Variants in ZNF534 observed in about 807,000 individuals in gnomAD.
The protein encoded by ZNF534 is zinc finger protein 534, also known as KRAB domain only 3.
ZNF534 carries 19 observed loss-of-function variants against 13.6 expected under a neutral mutation model. The observed-to-expected ratio is 1.40, with a 90% CI of 0.97 to 2.05. The LOEUF (loss-of-function observed/expected upper bound fraction) is 2.05. ZNF534 is among the 30% of genes most tolerant of loss of function. The pLI is 0.00. For missense variants in ZNF534, 782 were observed against 796.3 expected (o/e 0.98, Z 0.22); for synonymous variants, 244 against 273.8 (o/e 0.89, Z 1.07).
rs888147297 is a variant in ZNF534 at position 52,441,672 on chromosome 19, G to A, written c.*2226G>A. On this transcript the variant is annotated 3_prime_UTR_variant, in exon 5 of 5. Coordinates refer to ENST00000433050, the MANE Select transcript of ZNF534 (RefSeq NM_001143938.3). ...TACTGCCCATCTTGTAATCCATACTGCAGACAAACCTTACAACTGTAATGA... is the reference window on the plus strand; with the variant it reads ...TACTGCCCATCTTGTAATCCATACTACAGACAAACCTTACAACTGTAATGA... 6.6e-6 allele frequency among the ~76,000 whole-genome samples: 1 copy of A among 152,154 alleles called. No individual in the cohort carries two copies. The highest frequency in any genetic ancestry group is 6.5e-5 in the Admixed American group (1 of 15,276).
chr19:52,445,717 ATTTACTCTTGCAG>A (rs2059192316), downstream of ZNF534, among the ~76,000 whole-genome samples: 1 of 9,908 alleles, frequency 1.0e-4, no homozygotes, highest in Admixed American at 1.2e-3. Flanking sequence ...TGGCTTCCTA[ATTTACTCTTGCAG>A]TCATTCTGGA....
At chr19:52,446,766 G>A (rs1361587454), downstream of ZNF534, among the ~76,000 whole-genome samples, 1 of 152,180 alleles carries the variant, frequency 6.6e-6, no homozygotes, top group Non-Finnish European at 1.5e-5. Flanking sequence ...GCTGAGGTGG[G>A]AGGATCGCTT....
downstream of ZNF534, among the ~76,000 whole-genome samples, chr19:52,446,460 T>G (rs1599872606): frequency 6.6e-6 from 1 of 152,164 alleles, no homozygotes; most frequent in East Asian, 1.9e-4. Flanking sequence ...TTTCACTCAC[T>G]CTAGAGATTT....
chr19:52,445,853 T>C (rs1233083819), downstream of ZNF534, among the ~76,000 whole-genome samples: 2 of 152,216 alleles, frequency 1.3e-5, no homozygotes, highest in African/African-American at 4.8e-5. Context: ...ATTTTTCTTA[T>C]ATTTTTCCTT....
chr19:52,439,505 A>T lies in ZNF534; in HGVS notation c.*59A>T. The T allele has an allele frequency of 7.0e-7, 1 of 1,434,294 alleles. No individual in the cohort carries two copies. 88.8% of individuals were successfully genotyped at this position (1,434,294 alleles called of 1,614,324 possible). On this transcript the variant is annotated 3_prime_UTR_variant, in exon 5 of 5. Transcript: ENST00000433050. Reference sequence around the variant, plus strand: ...ACGTCTGTAATCCCAGCACTTTGGGAGTCCGAGGCAGGTGGATCATGAGGT... The same window carrying T: ...ACGTCTGTAATCCCAGCACTTTGGGTGTCCGAGGCAGGTGGATCATGAGGT...
chr19:52,438,465 C>T lies in ZNF534; in HGVS notation c.1005C>T (p.Phe335=), dbSNP rs942136569. 1.2e-6 allele frequency: 2 copies of T among 1,603,108 alleles called. No individual in the cohort carries two copies. Among genetic ancestry groups the T allele is most frequent in the Non-Finnish European group, 1.7e-6 (2 of 1,174,210 alleles). ...PYDCKECGKV[F]RHKSSLTTHQ... is the part of the protein sequence containing the mutation. ...ATTGTAAGGAATGTGGCAAGGTCTT[C>T]AGGCATAAGTCTTCCCTAACCACTC... The change falls in exon 5 of 5, where the codon TTC becomes TTT. Residue 335 remains phenylalanine, a synonymous_variant. Transcript: ENST00000433050.
At chr19:52,450,322 A>G (rs551090459) in intron 4 of ZNF534, among the ~76,000 whole-genome samples, 1 of 152,266 alleles carries the variant, frequency 6.6e-6, no homozygotes, top group Non-Finnish European at 1.5e-5. Context: ...ATTTATGTCA[A>G]ACCATTCTGA....
intron 2 of ZNF534, among the ~76,000 whole-genome samples, chr19:52,433,491 T>C (rs2023528): frequency 0.46 from 69,317 of 151,762 alleles, 19,004 homozygotes; most frequent in Non-Finnish European, 0.63. Context: ...CTCAGCCTCC[T>C]GAGTAGCTGG....
rs554429458 is a variant in ZNF534 at position 52,448,372 on chromosome 19, T to C, written c.272-2815T>C. 4.0e-5 allele frequency among the ~76,000 whole-genome samples: 6 copies of C among 151,326 alleles called. No homozygotes were observed. The South Asian group carries it at 1.3e-3, about 32-fold the overall frequency. ...AAGATCACACCACTGCACTCCAGCC[T>C]GGGCAATAGAGCAAGACTCCGTCTC... On this transcript the variant is annotated intron_variant, in intron 4 of 4. Coordinates refer to the ZNF534 transcript ENST00000301085.
chr19:52,432,067 A>T (rs746977157), intron 2 of ZNF534, among the ~76,000 whole-genome samples: 11 of 151,734 alleles, frequency 7.2e-5, no homozygotes, highest in African/African-American at 1.5e-4. Context: ...ATATATATAT[A>T]TATTTTTATC....
In ZNF534 at chr19:52,435,933, C is replaced by CT. The variant is rs1289517628; in HGVS notation, c.271+726dup. 6.3e-3 allele frequency among the ~76,000 whole-genome samples: 110 copies of CT among 17,558 alleles called. 2 individuals carry two copies. The highest frequency in any genetic ancestry group is 0.062 in the Non-Finnish European group (92 of 1,492). The allele number at this position is 17,558 out of a possible 152,430, so 11.5% of individuals were successfully genotyped here. On this transcript the variant is annotated intron_variant, in intron 4 of 4. Transcript: ENST00000433050. ...CATTGATGTTTTTCTTATTTTTCTT[C>CT]TTCTTCTTTTTTTTTTTTTTTTTGA...
At chr19:52,451,154 C>T in intron 4 of ZNF534, 1 of 630,996 alleles carries the variant, frequency 1.6e-6, no homozygotes. Flanking sequence ...CTTTCCACTT[C>T]TTTCATCACT....
rs2059160785 is a variant in ZNF534, at chr19:52,439,853, G to C, written c.*407G>C. 1.3e-5 allele frequency among the ~76,000 whole-genome samples: 2 copies of C among 152,116 alleles called. 1 individual carries two copies. The highest frequency in any genetic ancestry group is 4.1e-4 in the South Asian group (2 of 4,834). The stretch of plus-strand genomic sequence containing the variant: ...GGAGGCCAAGGTGGCCAGATCACCT[G>C]AGGTTAGAAGTTCGAGACCAGCCTG... On this transcript the variant is annotated 3_prime_UTR_variant, in exon 5 of 5. Coordinates refer to ENST00000433050, the MANE Select transcript of ZNF534 (RefSeq NM_001143938.3).
rs766287174 is a variant in ZNF534, at chr19:52,438,969, C to T, written c.1509C>T (p.Phe503=). 6.2e-7 allele frequency: 1 copy of T among 1,600,750 alleles called. No homozygotes were observed. The highest frequency in any genetic ancestry group is 1.1e-5 in the South Asian group (1 of 90,136). Residue 503 remains phenylalanine, a synonymous_variant, in exon 5 of 5, where the codon TTC becomes TTT. Coordinates refer to ENST00000433050, the MANE Select transcript of ZNF534 (RefSeq NM_001143938.3). ...AATGTAATGAATGTGGCAAGGTCTT[C>T]CGTCAGAATTCACACCTTGCACAAC... ...LYKCNECGKV[F]RQNSHLAQHR...
chr19:52,449,846 GC>G (rs1275216648), intron 4 of ZNF534, among the ~76,000 whole-genome samples: 2 of 151,908 alleles, frequency 1.3e-5, no homozygotes, highest in African/African-American at 4.8e-5. Context: ...GTGGTGAAAC[GC>G]TGTCTCTACT....
intron 4 of ZNF534, among the ~76,000 whole-genome samples, chr19:52,435,939 CTT>C (rs869289648): frequency 4.1e-5 from 1 of 24,156 alleles, no homozygotes. Flanking sequence ...TCTTCTTCTT[CTT>C]TTTTTTTTTT....
At chr19:52,432,502 T>C (rs1175389814) in intron 2 of ZNF534, among the ~76,000 whole-genome samples, 1 of 152,190 alleles carries the variant, frequency 6.6e-6, no homozygotes, top group African/African-American at 2.4e-5. Context: ...TCATTGGCTT[T>C]TGTTGCTGTA....
rs760988098 is a variant in ZNF534 at position 52,439,346 on chromosome 19, C to G, written c.1886C>G (p.Thr629Ser). 7.1e-6 allele frequency: 11 copies of G among 1,553,148 alleles called. No individual in the cohort carries two copies. The highest frequency in any genetic ancestry group is 9.6e-6 in the Non-Finnish European group (11 of 1,147,710). ...SRLAQHRNIH[T>S]GVKPYSCNEC... ...CTTGCACAACATAGGAATATTCATA[C>G]TGGAGTGAAGCCTTACAGTTGTAAT... is the stretch of plus-strand genomic sequence containing the variant. Residue 629 changes from threonine to serine, a missense_variant, in exon 5 of 5, where the codon ACT becomes AGT. This residue lies in a region of ZNF534 where 60 missense variants were observed against 59.9 expected (regional missense o/e 1.00). Transcript: ENST00000433050.
chr19:52,429,394 G>C (rs2059071356), intron 1 of ZNF534, 150 bp downstream of exon 1: 1 of 152,038 alleles, frequency 6.6e-6, no homozygotes, highest in African/African-American at 2.4e-5. Context: ...GAGTCTGGAG[G>C]TCGCTTACCT....
Sources: gnomAD v4.1 joint callset for allele counts (sites outside exome capture counted in the v4.1 genomes callset) on GRCh38, gnomAD v4.1.1 for gene constraint, gnomAD v4.1.1 regional missense constraint, MANE v1.5 for transcripts, NCBI Gene and HGNC (gene_info 2026-07-23, HGNC 2026-07-21) for gene names.